Variants in HSD17B2 observed in about 807,000 individuals in gnomAD.
HSD17B2 encodes the protein hydroxysteroid 17-beta dehydrogenase 2, also known as 17-beta-hydroxysteroid dehydrogenase type 2.
A neutral mutation model predicts 26.9 loss-of-function variants in HSD17B2; 32 were observed. The ratio of observed to expected loss-of-function variants is 1.19; its 90% CI spans 0.90 to 1.60. The LOEUF (loss-of-function observed/expected upper bound fraction) is 1.60. Ranked by LOEUF, HSD17B2 falls within the 40% of genes most tolerant of loss-of-function variation. The pLI, the probability that HSD17B2 is intolerant of heterozygous loss-of-function variation, is 0.00. For missense variants in HSD17B2, 613 were observed against 468.6 expected, an observed-to-expected ratio of 1.31 and a Z score of -2.85; for synonymous variants, 246 against 186.7, an observed-to-expected ratio of 1.32 and a Z score of -2.59.
At chr16:82,067,416 A>G (rs773365393) in intron 1 of HSD17B2, among the ~76,000 whole-genome samples, 4 of 152,230 alleles carry the variant, frequency 2.6e-5, no homozygotes, top group Non-Finnish European at 4.4e-5. Context: ...TGTGGGTATA[A>G]AACACTTTTT....
At chr16:82,094,112 A>G (rs1904770283) in intron 4 of HSD17B2, 1 of 152,132 alleles carries the variant, frequency 6.6e-6, no homozygotes. Flanking sequence ...CAGAGTTACT[A>G]TGACTTGTAT....
At chr16:82,068,096 A>C (rs1914613457) in intron 1 of HSD17B2, 74 bp from the exon 2 acceptor site, 4 of 1,267,778 alleles carry the variant, frequency 3.2e-6, no homozygotes, top group Non-Finnish European at 4.6e-6. Flanking sequence ...ACAACGTAAT[A>C]TGTTTTCCTT....
chr16:82,068,634 C>T (rs753171834), intron 2 of HSD17B2, among the ~76,000 whole-genome samples: 8 of 152,228 alleles, frequency 5.3e-5, no homozygotes, highest in Non-Finnish European at 1.0e-4. Context: ...CAGTCACTCT[C>T]CCATGAATAA....
chr16:82,075,583 A>G (rs762723936), intron 3 of HSD17B2, among the ~76,000 whole-genome samples: 10 of 152,176 alleles, frequency 6.6e-5, no homozygotes, highest in African/African-American at 1.2e-4. Context: ...GGCTACTATG[A>G]GTAACTAAGT....
intron 1 of HSD17B2, among the ~76,000 whole-genome samples, chr16:82,057,204 CT>C (rs34353182): frequency 2.3e-3 from 333 of 143,638 alleles, no homozygotes; most frequent in Admixed American, 3.5e-3. Flanking sequence ...CTTTTCTTTT[CT>C]TTTTTTTTTT....
chr16:82,090,829 C>A lies in HSD17B2; in HGVS notation c.665-73C>A. ...TACCAGTTCCTACATACAGTAGACACTGATTAAATATTTATTGGATGAACA... is the reference window on the plus strand; with the variant it reads ...TACCAGTTCCTACATACAGTAGACAATGATTAAATATTTATTGGATGAACA... On this transcript the variant is annotated intron_variant, in intron 3 of 4. Coordinates refer to ENST00000199936, the MANE Select transcript of HSD17B2 (RefSeq NM_002153.3). 5.7e-6 allele frequency: 8 copies of A among 1,402,576 alleles called. 1 individual carries two copies. The South Asian group carries it at 7.1e-5, about 12-fold the overall frequency. 86.9% of individuals were successfully genotyped at this position (1,402,576 alleles called of 1,614,324 possible). A position where few individuals can be genotyped will look rare whatever the true frequency, so the allele number is the denominator to read the frequency against.
At chr16:82,072,770 A>G (rs1177197567) in intron 3 of HSD17B2, among the ~76,000 whole-genome samples, 2 of 152,228 alleles carry the variant, frequency 1.3e-5, no homozygotes, top group Non-Finnish European at 2.9e-5. Flanking sequence ...AGCTTACAGT[A>G]CAAGGCCAGG....
intron 3 of HSD17B2, among the ~76,000 whole-genome samples, chr16:82,079,613 A>T (rs1380998925): frequency 1.3e-5 from 2 of 152,214 alleles, no homozygotes; most frequent in Admixed American, 6.5e-5. Context: ...TGGGGGGAGC[A>T]ATTCAGTCCA....
intron 3 of HSD17B2, among the ~76,000 whole-genome samples, chr16:82,081,093 G>C (rs879765180): frequency 6.6e-6 from 1 of 151,746 alleles, no homozygotes; most frequent in African/African-American, 2.4e-5. Context: ...TAACCAGCAC[G>C]TTCATATCAC....
chr16:82,064,339 C>T (rs904176579), intron 1 of HSD17B2, among the ~76,000 whole-genome samples: 22 of 152,264 alleles, frequency 1.4e-4, no homozygotes, highest in African/African-American at 5.3e-4. Context: ...AGCATAGAAA[C>T]TTCATTCCTT....
At chr16:82,039,248 TACACACACACAC>T in intron 1 of HSD17B2, among the ~76,000 whole-genome samples, 1 of 145,396 alleles carries the variant, frequency 6.9e-6, no homozygotes, top group South Asian at 2.2e-4. Flanking sequence ...TGGAAAATAA[TACACACACACAC>T]ACACACACAC....
chr16:82,041,760 T>G (rs1467459749), intron 1 of HSD17B2, among the ~76,000 whole-genome samples: 1 of 152,216 alleles, frequency 6.6e-6, no homozygotes, highest in Admixed American at 6.5e-5. Context: ...TGACTCTGTC[T>G]TTACTCCACC....
chr16:82,049,091 T>C (rs1436179169), intron 1 of HSD17B2, among the ~76,000 whole-genome samples: 2 of 152,260 alleles, frequency 1.3e-5, no homozygotes, highest in Non-Finnish European at 2.9e-5. Flanking sequence ...CCCTTTCATA[T>C]TCTTTATCAG....
At chr16:82,068,550 C>T (rs1914626602) in intron 2 of HSD17B2, among the ~76,000 whole-genome samples, 168 bp downstream of exon 2, 1 of 152,102 alleles carries the variant, frequency 6.6e-6, no homozygotes, top group Admixed American at 6.5e-5. Flanking sequence ...ACATGAAGAC[C>T]TTCGGAGTAA....
intron 1 of HSD17B2, chr16:82,056,399 C>T (rs1299487219): frequency 6.6e-6 from 1 of 152,126 alleles, no homozygotes; most frequent in Non-Finnish European, 1.5e-5. Context: ...ATGGTTGGAA[C>T]ATTAACAAAA....
intron 3 of HSD17B2, among the ~76,000 whole-genome samples, chr16:82,082,563 C>T (rs1278476520): frequency 6.6e-6 from 1 of 152,036 alleles, no homozygotes; most frequent in African/African-American, 2.4e-5. Flanking sequence ...TAAGTGTTAG[C>T]TATTATTTCT....
At chr16:82,059,753 C>G (rs1474046703) in intron 1 of HSD17B2, among the ~76,000 whole-genome samples, 1 of 152,034 alleles carries the variant, frequency 6.6e-6, no homozygotes, top group East Asian at 1.9e-4. Flanking sequence ...TTGCAAAGAG[C>G]AAACCTGGGT....
intron 3 of HSD17B2, among the ~76,000 whole-genome samples, chr16:82,084,661 G>A (rs1046846933): frequency 2.6e-5 from 4 of 151,966 alleles, no homozygotes; most frequent in African/African-American, 7.3e-5. Context: ...AACCTTTCTC[G>A]GGCCAGTTTT....
At chr16:82,040,876 G>C (rs1021570597) in intron 1 of HSD17B2, among the ~76,000 whole-genome samples, 1 of 152,226 alleles carries the variant, frequency 6.6e-6, no homozygotes, top group Non-Finnish European at 1.5e-5. Context: ...TTTGTAGATA[G>C]ATGCTGGAGA....
Sources: allele counts gnomAD v4.1 joint callset (sites outside exome capture counted in the v4.1 genomes callset), GRCh38; gene constraint gnomAD v4.1.1; transcripts MANE v1.5; gene names NCBI Gene and HGNC (gene_info 2026-07-23, HGNC 2026-07-21).